VCAM1: variants seen among roughly 807,000 people sequenced by gnomAD.
VCAM1 encodes vascular cell adhesion molecule 1.
A neutral mutation model predicts 63.8 loss-of-function variants in VCAM1; 41 were observed. That is an observed-to-expected ratio of 0.64 (90% CI 0.50 to 0.83). The LOEUF (loss-of-function observed/expected upper bound fraction) is 0.83. VCAM1 is among the 40% of genes least tolerant of loss of function. The pLI is 0.00. For missense variants in VCAM1, 798 were observed against 875.5 expected (o/e 0.91, Z 1.12); for synonymous variants, 338 against 320.7 (o/e 1.05, Z -0.58).
At position 100,723,085 on chromosome 1, in the gene VCAM1, A is replaced by G; in HGVS notation, c.406A>G (p.Lys136Glu). Reference sequence around the variant, plus strand: ...GGAGGCTGGGAAGCCGATCACAGTCAAGTGTTCAGTTGCTGATGTATACCC... The same window carrying G: ...GGAGGCTGGGAAGCCGATCACAGTCGAGTGTTCAGTTGCTGATGTATACCC... ...PLEAGKPITV[K>E]CSVADVYPFD... The change falls in exon 3 of 9, where the codon AAG becomes GAG. Residue 136 changes from lysine to glutamate, a missense_variant. Physicochemically the swap from Lys to Glu is moderately conservative, Grantham distance 56. Coordinates refer to ENST00000294728, the MANE Select transcript of VCAM1 (RefSeq NM_001078.4). 6.2e-7 allele frequency: 1 copy of G among 1,612,978 alleles called. No individual in the cohort carries two copies. The highest frequency in any genetic ancestry group is 8.5e-7 in the Non-Finnish European group (1 of 1,179,392).
At position 100,738,434 on chromosome 1, in the gene VCAM1, G is replaced by C; in HGVS notation, c.*151G>C. 1.2e-6 allele frequency: 1 copy of C among 848,598 alleles called. No homozygotes were observed. The highest frequency in any genetic ancestry group is 1.7e-6 in the Non-Finnish European group (1 of 583,490). The allele number at this position is 848,598 out of a possible 1,614,324, so 52.6% of individuals were successfully genotyped here. On this transcript the variant is annotated 3_prime_UTR_variant, in exon 9 of 9. Coordinates refer to ENST00000294728, the MANE Select transcript of VCAM1 (RefSeq NM_001078.4). The stretch of plus-strand genomic sequence containing the variant: ...GAAATGCCCATCTATGTCCCTTGCT[G>C]TGAGCAAGAAGTCAAAGTAAAACTT...
At chr1:100,726,106 T>C (rs1045364125) in intron 4 of VCAM1, among the ~76,000 whole-genome samples, 2 of 152,000 alleles carry the variant, frequency 1.3e-5, no homozygotes, top group Non-Finnish European at 2.9e-5. Context: ...TCTCTACTTC[T>C]ATGACTTTAG....
rs781257237 is a variant in VCAM1, at chr1:100,729,246, C to T, written c.1068C>T (p.Ser356=). 9.8e-5 allele frequency: 158 copies of T among 1,613,354 alleles called. No homozygotes were observed. Among genetic ancestry groups the T allele is most frequent in the Admixed American group, 2.5e-4 (15 of 59,900 alleles). ...GAACCCAGATAGACAGCCCTCTGAG[C>T]GGGAAGGTGAGGAGTGAGGGGACCA... ...SWRTQIDSPL[S]GKVRSEGTNS... The change falls in exon 5 of 9, where the codon AGC becomes AGT. Residue 356 remains serine, a synonymous_variant. Transcript: ENST00000294728.
intron 4 of VCAM1, among the ~76,000 whole-genome samples, chr1:100,726,618 T>C (rs893213354): frequency 6.6e-6 from 1 of 152,044 alleles, no homozygotes; most frequent in Non-Finnish European, 1.5e-5. Context: ...ATTCTTTCTT[T>C]CGTGTACACT....
Position 100,725,048 on chromosome 1 carries a change from A to G in VCAM1, c.928+158A>G, listed in dbSNP as rs3917035. Among the ~76,000 whole-genome samples, 995 of 151,688 alleles carry G rather than the reference A, an allele frequency of 6.6e-3. 13 individuals carry two copies. Among genetic ancestry groups the G allele is most frequent in the African/African-American group, 0.023 (953 of 41,352 alleles). ...ACAAATATATGTTTATCTTACTAGT[A>G]CTCTGTGGAAGTCTTCCCTCCCAGA... On this transcript the variant is annotated intron_variant, in intron 4 of 8. Coordinates refer to ENST00000294728, the MANE Select transcript of VCAM1 (RefSeq NM_001078.4).
At position 100,723,314 on chromosome 1, in the gene VCAM1, A is replaced by C; in HGVS notation, c.635A>C (p.Gln212Pro). The change falls in exon 3 of 9, where the codon CAG becomes CCG. Residue 212 changes from glutamine to proline, a missense_variant. By Grantham distance (76) the Gln-to-Pro change is moderately conservative. Coordinates refer to ENST00000294728, the MANE Select transcript of VCAM1 (RefSeq NM_001078.4). ...DEMDSVPTVR[Q>P]AVKELQVYIS... ...ATGGATTCTGTGCCCACAGTAAGGC[A>C]GGCTGTAAAAGAATTGCAAGTCTAC... is the stretch of plus-strand genomic sequence containing the variant. 6.2e-7 allele frequency: 1 copy of C among 1,612,640 alleles called. No individual in the cohort carries two copies. Among genetic ancestry groups the C allele is most frequent in the Non-Finnish European group, 8.5e-7 (1 of 1,179,024 alleles).
chr1:100,738,163 C>T lies in VCAM1; in HGVS notation c.2100C>T (p.Leu700=), dbSNP rs757752398. 67 of 1,613,496 alleles carry T rather than the reference C, an allele frequency of 4.2e-5. 1 individual carries two copies. In the South Asian group the frequency reaches 4.4e-4, roughly 11 times the overall value. The part of the protein sequence containing the change: ...NNKDYFSPEL[L]VLYFASSLII... ...AAGACTATTTTTCTCCTGAGCTTCT[C>T]GTGCTCTATTTTGCATCCTCCTTAA... Residue 700 remains leucine, a synonymous_variant, in exon 9 of 9, where the codon CTC becomes CTT. Coordinates refer to ENST00000294728, the MANE Select transcript of VCAM1 (RefSeq NM_001078.4).
chr1:100,722,378 TA>T (rs1414064323), intron 2 of VCAM1, among the ~76,000 whole-genome samples: 6 of 152,082 alleles, frequency 3.9e-5, no homozygotes, highest in Non-Finnish European at 8.8e-5. Flanking sequence ...TTTCAGAAGC[TA>T]ATTACTTAAA....
chr1:100,726,863 T>C (rs1660177597), intron 4 of VCAM1, among the ~76,000 whole-genome samples: 1 of 152,092 alleles, frequency 6.6e-6, no homozygotes, highest in African/African-American at 2.4e-5. Context: ...GTCTTTCCAC[T>C]AAACTGTAAA....
At chr1:100,725,114 A>G (rs999832543) in intron 4 of VCAM1, among the ~76,000 whole-genome samples, 4 of 151,694 alleles carry the variant, frequency 2.6e-5, no homozygotes, top group Admixed American at 1.3e-4. Flanking sequence ...TTCATCTCAT[A>G]TCACTTTTTC....
chr1:100,734,709 A>G lies in VCAM1; in HGVS notation c.2000A>G (p.Glu667Gly). The change falls in exon 8 of 9, where the codon GAA (glutamate) becomes GGA (glycine). Residue 667 changes from glutamate (E) to glycine (G), a missense_variant. By Grantham distance (98) the Glu-to-Gly change is moderately conservative. Transcript: ENST00000294728. ...CAGTTGAAGGATGCGGGAGTATATG[A>G]ATGTGAATCTAAAAACAAAGTTGGC... ...KAQLKDAGVYECESKNKVGSQ... is the reference protein window; with the variant it reads ...KAQLKDAGVYGCESKNKVGSQ... The G allele has an allele frequency of 6.2e-7, 1 of 1,613,980 alleles. No homozygotes were observed. Among genetic ancestry groups the G allele is most frequent in the Non-Finnish European group, 8.5e-7 (1 of 1,179,886 alleles).
chr1:100,724,194 G>T (rs1212923317), intron 3 of VCAM1, among the ~76,000 whole-genome samples: 1 of 152,052 alleles, frequency 6.6e-6, no homozygotes, highest in African/African-American at 2.4e-5. Context: ...GTTTAAAATA[G>T]TATAGAGAGA....
chr1:100,721,198 T>A (rs1357302103), intron 2 of VCAM1, among the ~76,000 whole-genome samples: 1 of 152,144 alleles, frequency 6.6e-6, no homozygotes, highest in African/African-American at 2.4e-5. Flanking sequence ...ATTAAGTAGA[T>A]CTATAATTAG....
rs2392221 is a variant in VCAM1, at chr1:100,724,617, C to T, written c.662-7C>T. 0.15 allele frequency: 240,441 copies of T among 1,606,466 alleles called. 19,404 individuals carry two copies. The highest frequency in any genetic ancestry group is 0.29 in the Admixed American group (17,077 of 59,206). ...GCAATTGCTAATATTATTTTTTGCC[C>T]TTTCAGTATCACCCAAGAATACAGT... On this transcript the variant is annotated splice_region_variant and splice_polypyrimidine_tract_variant and intron_variant, in intron 3 of 8. Transcript: ENST00000294728.
rs189881881 is a variant in VCAM1 at position 100,737,116 on chromosome 1, T to G, written c.2060-1007T>G. On this transcript the variant is annotated intron_variant, in intron 8 of 8. Coordinates refer to ENST00000294728, the MANE Select transcript of VCAM1 (RefSeq NM_001078.4). ...ATTAGAAAGAATACTAATTTTAAAGTTTTTGTATGCTGTTACCTACTGTAC... is the reference window on the plus strand; with the variant it reads ...ATTAGAAAGAATACTAATTTTAAAGGTTTTGTATGCTGTTACCTACTGTAC... 3.3e-5 allele frequency: 5 copies of G among 152,242 alleles called. No homozygotes were observed. The East Asian group carries it at 9.6e-4, about 29-fold the overall frequency. 9.4% of individuals were successfully genotyped at this position (152,242 alleles called of 1,614,324 possible). A position where few individuals can be genotyped will look rare whatever the true frequency, so the allele number is the denominator to read the frequency against.
rs200183029 is a variant in VCAM1 at position 100,720,633 on chromosome 1, G to A, written c.222G>A (p.Glu74=). 1.7e-4 allele frequency: 270 copies of A among 1,613,212 alleles called. No individual in the cohort carries two copies. Among genetic ancestry groups the A allele is most frequent in the Non-Finnish European group, 6.8e-6 (8 of 1,179,546 alleles). ...CACTGAATGGGAAGGTGACGAATGAGGGGACCACATCTACGCTGACAATGA... is the reference window on the plus strand; with the variant it reads ...CACTGAATGGGAAGGTGACGAATGAAGGGACCACATCTACGCTGACAATGA... ...DSPLNGKVTN[E]GTTSTLTMNP... is the part of the protein sequence containing the mutation. The change falls in exon 2 of 9, where the codon GAG becomes GAA. Residue 74 remains glutamate (E), a synonymous_variant. Transcript: ENST00000294728.
At chr1:100,720,344 C>G in intron 1 of VCAM1, 132 bp from the exon 2 acceptor site, 2 of 1,247,006 alleles carry the variant, frequency 1.6e-6, no homozygotes. Flanking sequence ...TTTTGGCTAC[C>G]TTGCAGTTAG....
At chr1:100,721,208 G>T (rs1659939182) in intron 2 of VCAM1, among the ~76,000 whole-genome samples, 1 of 152,112 alleles carries the variant, frequency 6.6e-6, no homozygotes, top group South Asian at 2.1e-4. Context: ...TCTATAATTA[G>T]TAATATGTAT....
rs541625702 is a variant in VCAM1, at chr1:100,733,797, G to A, written c.1793-705G>A. On this transcript the variant is annotated intron_variant, in intron 7 of 8. Coordinates refer to ENST00000294728, the MANE Select transcript of VCAM1 (RefSeq NM_001078.4). ...ACTCAAAACTCAGAAACCTGTAAAG[G>A]CCTTTGTACTTCAAGGAAATTTTTT... is the stretch of plus-strand genomic sequence containing the variant. Among the ~76,000 whole-genome samples the A allele has an allele frequency of 2.0e-5, 3 of 152,128 alleles. No individual in the cohort carries two copies. In the East Asian group the frequency reaches 5.8e-4, roughly 29 times the overall value.
Sources: gnomAD v4.1 joint callset for allele counts (sites outside exome capture counted in the v4.1 genomes callset) on GRCh38, gnomAD v4.1.1 for gene constraint, MANE v1.5 for transcripts, NCBI Gene and HGNC (gene_info 2026-07-23, HGNC 2026-07-21) for gene names.